The following CSRNP3 variants were observed in gnomAD, a reference collection of about 807,000 sequenced individuals.
CSRNP3 encodes cysteine/serine-rich nuclear protein 3.
CSRNP3 carries 12 observed loss-of-function variants against 48.0 expected under a neutral mutation model. The observed-to-expected ratio is 0.25, with a 90% CI of 0.16 to 0.41. CSRNP3 has a LOEUF of 0.41. Among genes scored for constraint, CSRNP3 ranks in the 10% least tolerant of loss-of-function variants. The probability of loss-of-function intolerance (pLI) is 1.00; values close to 1 mark genes in which losing one functional copy is unlikely to be tolerated. For synonymous variants in CSRNP3, 263 were observed against 269.7 expected, an observed-to-expected ratio of 0.98 and a Z score of 0.24; for missense variants, 580 against 724.4, an observed-to-expected ratio of 0.80 and a Z score of 2.29.
chr2:165,515,334 A>AATATATATAT (rs1684563750), intron 2 of CSRNP3, among the ~76,000 whole-genome samples: 1 of 118,978 alleles, frequency 8.4e-6, no homozygotes. Context: ...AAAAAAAAAA[A>AATATATATAT]ATACATATAT....
At chr2:165,572,734 C>T (rs188549369) in intron 3 of CSRNP3, 12 of 152,136 alleles carry the variant, frequency 7.9e-5, no homozygotes, top group Admixed American at 5.9e-4. Flanking sequence ...TGACCCAATG[C>T]GATTAAATTG....
At chr2:165,564,764 A>G (rs1685276904) in intron 3 of CSRNP3, among the ~76,000 whole-genome samples, 1 of 152,028 alleles carries the variant, frequency 6.6e-6, no homozygotes, top group Non-Finnish European at 1.5e-5. Context: ...GGAAATATGT[A>G]TATATCCTAC....
intron 3 of CSRNP3, among the ~76,000 whole-genome samples, chr2:165,535,553 A>G (rs951808585): frequency 2.6e-5 from 4 of 151,924 alleles, no homozygotes; most frequent in African/African-American, 9.7e-5. Flanking sequence ...CATCAAGGAT[A>G]GAATCAAGAA....
intron 5 of CSRNP3, among the ~76,000 whole-genome samples, chr2:165,666,939 A>G (rs550880772): frequency 0.022 from 1,082 of 50,128 alleles, 72 homozygotes; most frequent in East Asian, 0.038. Flanking sequence ...AGAGAAGAAG[A>G]AAGAAAGAGA....
intron 3 of CSRNP3, among the ~76,000 whole-genome samples, chr2:165,537,600 A>G (rs1210346151): frequency 6.6e-6 from 1 of 151,696 alleles, no homozygotes; most frequent in African/African-American, 2.4e-5. Context: ...AATTATTCAG[A>G]GTGTAACACC....
At chr2:165,525,341 A>G (rs1684717785) in intron 3 of CSRNP3, among the ~76,000 whole-genome samples, 1 of 152,026 alleles carries the variant, frequency 6.6e-6, no homozygotes, top group Non-Finnish European at 1.5e-5. Flanking sequence ...TGATTTGCAA[A>G]CATTTTCTCT....
rs62176897 is a variant in CSRNP3, at chr2:165,628,664, C to T, written c.149-29097C>T. 1.8e-3 allele frequency among the ~76,000 whole-genome samples: 272 copies of T among 152,240 alleles called. 1 individual carries two copies. The highest frequency in any genetic ancestry group is 6.8e-3 in the Middle Eastern group (2 of 294). On this transcript the variant is annotated intron_variant, in intron 4 of 6. Transcript: ENST00000651982. ...GCTTGAACCTGGGAGGCGGAGGTTG[C>T]AGTGAGGCGAGATGGCGCCATCACA... is the stretch of plus-strand genomic sequence containing the variant.
intron 4 of CSRNP3, among the ~76,000 whole-genome samples, chr2:165,650,838 G>T (rs543714946): frequency 4.9e-4 from 75 of 152,274 alleles, no homozygotes; most frequent in Non-Finnish European, 9.6e-4. Context: ...TTTTCCTTTT[G>T]ATCAGCTTAA....
intron 3 of CSRNP3, among the ~76,000 whole-genome samples, chr2:165,558,139 A>AG (rs1285777901): frequency 6.6e-6 from 1 of 152,070 alleles, no homozygotes; most frequent in Non-Finnish European, 1.5e-5. Flanking sequence ...TGAAAAATTA[A>AG]GGGGGGGAAA....
At chr2:165,656,642 G>A (rs1002590960) in intron 4 of CSRNP3, among the ~76,000 whole-genome samples, 1 of 152,068 alleles carries the variant, frequency 6.6e-6, no homozygotes, top group African/African-American at 2.4e-5. Flanking sequence ...TGTTCATAAT[G>A]CTATTTAATG....
intron 3 of CSRNP3, among the ~76,000 whole-genome samples, chr2:165,554,914 A>T (rs576190145): frequency 6.6e-6 from 1 of 152,270 alleles, no homozygotes; most frequent in East Asian, 1.9e-4. Flanking sequence ...CGATCACATC[A>T]CCCACATCTG....
At chr2:165,674,299 C>T (rs368828048) in intron 5 of CSRNP3, among the ~76,000 whole-genome samples, 9 of 152,132 alleles carry the variant, frequency 5.9e-5, no homozygotes, top group East Asian at 5.8e-4. Flanking sequence ...TAAAAGGGAA[C>T]ACTTCCTTTC....
chr2:165,521,511 A>G (rs1684662069), intron 3 of CSRNP3, among the ~76,000 whole-genome samples: 4 of 152,178 alleles, frequency 2.6e-5, no homozygotes, highest in Non-Finnish European at 5.9e-5. Context: ...AATTTTTCCA[A>G]ATAATGATTC....
intron 4 of CSRNP3, among the ~76,000 whole-genome samples, chr2:165,655,591 G>A (rs948597060): frequency 2.0e-5 from 3 of 152,102 alleles, no homozygotes; most frequent in Admixed American, 6.5e-5. Context: ...TTGGGCTCCC[G>A]TAAAAATGAC....
chr2:165,655,834 G>C (rs1388740213), intron 4 of CSRNP3, among the ~76,000 whole-genome samples: 1 of 152,028 alleles, frequency 6.6e-6, no homozygotes, highest in Non-Finnish European at 1.5e-5. Flanking sequence ...TTCCCTCTAC[G>C]CATGTCTGTG....
At chr2:165,592,787 A>G (rs1685739368) in intron 3 of CSRNP3, among the ~76,000 whole-genome samples, 1 of 146,880 alleles carries the variant, frequency 6.8e-6, no homozygotes, top group Non-Finnish European at 1.5e-5. Flanking sequence ...CTGTGAGTCA[A>G]TTAAACCTCT....
At chr2:165,574,325 G>A (rs1282524964) in intron 3 of CSRNP3, 1 of 1,525,030 alleles carries the variant, frequency 6.6e-7, no homozygotes, top group Non-Finnish European at 8.9e-7. Flanking sequence ...AAAATGTACT[G>A]GGGTTCTCTG....
chr2:165,633,468 A>T (rs1187607717), intron 4 of CSRNP3, among the ~76,000 whole-genome samples: 2 of 152,226 alleles, frequency 1.3e-5, no homozygotes, highest in Non-Finnish European at 2.9e-5. Context: ...TTACAAAACG[A>T]AAGCAATTTC....
intron 4 of CSRNP3, among the ~76,000 whole-genome samples, chr2:165,596,114 C>G (rs1344190781): frequency 1.3e-5 from 2 of 150,802 alleles, no homozygotes; most frequent in Non-Finnish European, 2.9e-5. Context: ...GCCACTGCAT[C>G]CAGCCTATGT....
Sources: gnomAD v4.1 joint callset for allele counts (sites outside exome capture counted in the v4.1 genomes callset) on GRCh38, gnomAD v4.1.1 for gene constraint, MANE v1.5 for transcripts, NCBI Gene and HGNC (gene_info 2026-07-23, HGNC 2026-07-21) for gene names.